The following CCDC60 variants were observed in gnomAD, a reference collection of about 807,000 sequenced individuals.
CCDC60 encodes the protein coiled-coil domain containing 60.
A neutral mutation model predicts 63.5 loss-of-function variants in CCDC60; 54 were observed. The observed-to-expected ratio is 0.85, with a 90% CI of 0.68 to 1.07. The LOEUF (loss-of-function observed/expected upper bound fraction) is 1.07. Ranked by LOEUF, CCDC60 falls within the 50% of genes least tolerant of loss-of-function variation. CCDC60 has a pLI of 0.00. For missense variants in CCDC60, 651 were observed against 684.3 expected (o/e 0.95, Z 0.54); for synonymous variants, 206 against 238.8 (o/e 0.86, Z 1.27).
At chr12:119,381,486 T>C (rs1956007376) in intron 1 of CCDC60, among the ~76,000 whole-genome samples, 1 of 152,154 alleles carries the variant, frequency 6.6e-6, no homozygotes, top group South Asian at 2.1e-4. Context: ...GCCTTAAATC[T>C]CTGGAATTAC....
rs1293892836 is a variant in CCDC60 at position 119,456,832 on chromosome 12, T to C, written c.171-15162T>C. ...ACCAGAGGTCACTCTTGTCGCCATCTTGGTTTTGGTGAGATTTAGCTGGCT... is the reference window on the plus strand; with the variant it reads ...ACCAGAGGTCACTCTTGTCGCCATCCTGGTTTTGGTGAGATTTAGCTGGCT... On this transcript the variant is annotated intron_variant, in intron 2 of 13. Transcript: ENST00000327554. This position sits in a 1 kb window ranked among gnomAD's most constrained non-coding sequence, Gnocchi z 4.6. Among the ~76,000 whole-genome samples the C allele has an allele frequency of 6.6e-6, 1 of 152,232 alleles. No homozygotes were observed. The highest frequency in any genetic ancestry group is 1.5e-5 in the Non-Finnish European group (1 of 68,042).
intron 2 of CCDC60, among the ~76,000 whole-genome samples, chr12:119,429,213 A>C (rs537300912): frequency 1.3e-5 from 2 of 152,230 alleles, no homozygotes; most frequent in South Asian, 2.1e-4. Flanking sequence ...GGAGGTTGTT[A>C]GAAGAACCGA....
In CCDC60 at chr12:119,496,552, C is replaced by G. The variant is rs115529712; in HGVS notation, c.558-3526C>G. ...TCCTCCTCTAAGCCACAGTAAATCT[C>G]TGTTGAAAAGAGAAGGTTATTGTTG... On this transcript the variant is annotated intron_variant, in intron 5 of 13. Transcript: ENST00000327554. 5.1e-3 allele frequency among the ~76,000 whole-genome samples: 778 copies of G among 152,310 alleles called. 7 individuals are homozygous for G. Among genetic ancestry groups the G allele is most frequent in the African/African-American group, 0.017 (704 of 41,568 alleles).
At chr12:119,490,478 G>A (rs1357338206) in intron 5 of CCDC60, among the ~76,000 whole-genome samples, 3 of 152,054 alleles carry the variant, frequency 2.0e-5, no homozygotes, top group South Asian at 2.1e-4. Flanking sequence ...TCCCCATCAC[G>A]GCACCCTAGT....
At chr12:119,429,145 G>A (rs746355358) in intron 2 of CCDC60, among the ~76,000 whole-genome samples, 8 of 152,190 alleles carry the variant, frequency 5.3e-5, no homozygotes, top group Admixed American at 1.3e-4. Context: ...TGGGATGCTG[G>A]AGGAGTTATT....
At chr12:119,351,967 A>G (rs956521014) in intron 1 of CCDC60, among the ~76,000 whole-genome samples, 1 of 152,200 alleles carries the variant, frequency 6.6e-6, no homozygotes, top group Non-Finnish European at 1.5e-5. Context: ...TGTATTAGTC[A>G]GTTCTCACAC....
chr12:119,493,687 C>T (rs1049081878), intron 5 of CCDC60, among the ~76,000 whole-genome samples: 2 of 152,074 alleles, frequency 1.3e-5, no homozygotes, highest in African/African-American at 4.8e-5. Context: ...AAATTGAAAC[C>T]AACCCTTCAA....
intron 6 of CCDC60, among the ~76,000 whole-genome samples, chr12:119,501,027 T>C (rs952354873): frequency 3.1e-4 from 47 of 152,190 alleles, no homozygotes; most frequent in Non-Finnish European, 6.2e-4. Context: ...ATAATCATAA[T>C]AATAATAATG....
intron 2 of CCDC60, among the ~76,000 whole-genome samples, chr12:119,447,317 T>C (rs1361340435): frequency 6.6e-6 from 1 of 152,090 alleles, no homozygotes; most frequent in Admixed American, 6.5e-5. Context: ...CCCCTCCCAC[T>C]TCCCCTTGTA....
intron 9 of CCDC60, among the ~76,000 whole-genome samples, chr12:119,521,648 G>C (rs941898301): frequency 1.3e-5 from 2 of 152,124 alleles, no homozygotes; most frequent in South Asian, 2.1e-4. Flanking sequence ...AGGGCCAGGT[G>C]GGGGGCACAG....
chr12:119,387,034 T>TCACACACACACA (rs1555233707), intron 1 of CCDC60, among the ~76,000 whole-genome samples: 13 of 105,446 alleles, frequency 1.2e-4, no homozygotes, highest in East Asian at 1.2e-3. Context: ...TCTGTCTCTC[T>TCACACACACACA]CACACACACA....
intron 2 of CCDC60, among the ~76,000 whole-genome samples, chr12:119,462,846 CAG>C (rs1329808525): frequency 2.0e-5 from 3 of 146,840 alleles, no homozygotes; most frequent in Non-Finnish European, 4.5e-5. Flanking sequence ...ATTTTTGAGA[CAG>C]AGTCTTGCTC....
chr12:119,509,899 C>T (rs1462584604), intron 7 of CCDC60, among the ~76,000 whole-genome samples: 2 of 152,108 alleles, frequency 1.3e-5, no homozygotes, highest in Admixed American at 1.3e-4. Flanking sequence ...GACTTGATTG[C>T]TCTGCTTTAC....
intron 1 of CCDC60, among the ~76,000 whole-genome samples, chr12:119,355,434 C>T (rs958391647): frequency 1.3e-5 from 2 of 152,226 alleles, no homozygotes; most frequent in African/African-American, 2.4e-5. Context: ...TGTGTCACCA[C>T]CAGCAGCAGA....
chr12:119,353,853 G>A (rs761232577), intron 1 of CCDC60, among the ~76,000 whole-genome samples: 19 of 152,096 alleles, frequency 1.2e-4, no homozygotes, highest in Middle Eastern at 3.4e-3. Flanking sequence ...CGAGTGGATC[G>A]CCTGAGGTCC....
chr12:119,403,299 C>T (rs1167122037), intron 1 of CCDC60, among the ~76,000 whole-genome samples: 3 of 152,130 alleles, frequency 2.0e-5, no homozygotes, highest in Non-Finnish European at 2.9e-5. Flanking sequence ...GCCTGCATCC[C>T]GTGTTCACCT....
Position 119,335,227 on chromosome 12 carries a change from G to T in CCDC60, c.51G>T (p.Gly17=), listed in dbSNP as rs751768745. 13 of 1,606,254 alleles carry T rather than the reference G, an allele frequency of 8.1e-6. No individual in the cohort carries two copies. Among genetic ancestry groups the T allele is most frequent in the Non-Finnish European group, 9.3e-6 (11 of 1,176,834 alleles). The change falls in exon 1 of 14, where the codon GGG becomes GGT. Residue 17 remains glycine, a synonymous_variant. Coordinates refer to ENST00000327554, the MANE Select transcript of CCDC60 (RefSeq NM_178499.5). The part of the protein sequence containing the change: ...TKKLQSSPNS[G]AVRPFYASEN... The stretch of plus-strand genomic sequence containing the variant: ...AGCTTCAGAGTTCCCCCAACTCGGG[G>T]GCTGTCCGGCCCTTTTATGCCTCGG...
At chr12:119,493,512 A>C (rs764285467) in intron 5 of CCDC60, among the ~76,000 whole-genome samples, 41 of 151,874 alleles carry the variant, frequency 2.7e-4, no homozygotes, top group Non-Finnish European at 4.6e-4. Flanking sequence ...TATGAGTTGC[A>C]TCTGAGTCTC....
At chr12:119,340,850 A>G (rs1955525083) in intron 1 of CCDC60, among the ~76,000 whole-genome samples, 1 of 152,114 alleles carries the variant, frequency 6.6e-6, no homozygotes, top group Non-Finnish European at 1.5e-5. Flanking sequence ...CACTGAGACC[A>G]CGCCCCCTGC....
Sources: gnomAD v4.1 joint callset for allele counts (sites outside exome capture counted in the v4.1 genomes callset) on GRCh38, gnomAD v4.1.1 for gene constraint, Gnocchi (gnomAD v3.1) non-coding constraint, MANE v1.5 for transcripts, NCBI Gene and HGNC (gene_info 2026-07-23, HGNC 2026-07-21) for gene names.